ARHGEF10L: variants seen among roughly 807,000 people sequenced by gnomAD.
ARHGEF10L encodes rho guanine nucleotide exchange factor 10-like protein.
Under a neutral mutation model 141.2 loss-of-function variants are expected in ARHGEF10L, and 69 were observed. The ratio of observed to expected loss-of-function variants is 0.49; its 90% CI spans 0.40 to 0.60. The LOEUF (loss-of-function observed/expected upper bound fraction) is 0.60. Among genes scored for constraint, ARHGEF10L ranks in the 20% least tolerant of loss-of-function variants. The pLI is 0.00. For missense variants in ARHGEF10L, 1,482 were observed against 1,734.3 expected (o/e 0.85, Z 2.58); for synonymous variants, 711 against 718.5 (o/e 0.99, Z 0.17).
At chr1:17,690,172 C>T (rs529461685) in intron 27 of ARHGEF10L, among the ~76,000 whole-genome samples, 1 of 152,268 alleles carries the variant, frequency 6.6e-6, no homozygotes, top group Non-Finnish European at 1.5e-5. Context: ...GGTTGTGTCC[C>T]TGTCCTGGGC....
At chr1:17,641,339 C>T (rs2061317831) in intron 21 of ARHGEF10L, among the ~76,000 whole-genome samples, 1 of 152,134 alleles carries the variant, frequency 6.6e-6, no homozygotes, top group African/African-American at 2.4e-5. Context: ...GGTTTTAACA[C>T]ATTTATGGAA....
At chr1:17,526,187 C>T in the ARHGEF10L span, among the ~76,000 whole-genome samples, 2 of 152,240 alleles carry the variant, frequency 1.3e-5, no homozygotes, top group South Asian at 2.1e-4. Context: ...TGCTCCCTCT[C>T]CTTCCTCCCT....
At position 17,558,198 on chromosome 1, in the gene ARHGEF10L, C is replaced by A. The variant is rs1394964119; in HGVS notation, c.-44+18248C>A. Among the ~76,000 whole-genome samples the A allele has an allele frequency of 6.6e-6, 1 of 152,012 alleles. No homozygotes were observed. The highest frequency in any genetic ancestry group is 2.4e-5 in the African/African-American group (1 of 41,382). ...CCATCCATCCATCCACCCATCCATC[C>A]ATCCATCCATCCATCCGCCTGCCCA... is the stretch of plus-strand genomic sequence containing the variant. On this transcript the variant is annotated intron_variant, in intron 1 of 28. Coordinates refer to ENST00000361221, the MANE Select transcript of ARHGEF10L (RefSeq NM_018125.4). This position sits in a 1 kb window ranked among gnomAD's most constrained non-coding sequence, Gnocchi z 4.2.
chr1:17,634,925 G>C lies in ARHGEF10L; in HGVS notation c.1836G>C (p.Glu612Asp), dbSNP rs1313208238. 6.2e-7 allele frequency: 1 copy of C among 1,614,114 alleles called. No homozygotes were observed. Among genetic ancestry groups the C allele is most frequent in the Non-Finnish European group, 8.5e-7 (1 of 1,179,998 alleles). ...NTALPQVQVVEVGQDGGTYDK... is the reference protein window; with the variant it reads ...NTALPQVQVVDVGQDGGTYDK... Reference sequence around the variant, plus strand: ...CGCTGCCCCAGGTGCAGGTGGTGGAGGTGGGCCAGGACGGTGGCACCTATG... The same window carrying C: ...CGCTGCCCCAGGTGCAGGTGGTGGACGTGGGCCAGGACGGTGGCACCTATG... The change falls in exon 18 of 29, where the codon GAG (glutamate) becomes GAC (aspartate). Residue 612 changes from glutamate (E) to aspartate (D), a missense_variant. Transcript: ENST00000361221.
At chr1:17,570,551 G>T (rs544558395) in intron 1 of ARHGEF10L, among the ~76,000 whole-genome samples, 111 of 152,052 alleles carry the variant, frequency 7.3e-4, no homozygotes, top group African/African-American at 2.6e-3. Context: ...GGGTTGTGGG[G>T]GCTCTGACAC....
At chr1:17,529,797 G>T in the ARHGEF10L span, among the ~76,000 whole-genome samples, 1 of 151,754 alleles carries the variant, frequency 6.6e-6, no homozygotes, top group Non-Finnish European at 1.5e-5. Context: ...GGGGCTTATG[G>T]GGCCATGGGG....
At chr1:17,574,621 T>G (rs1483110953) in intron 1 of ARHGEF10L, among the ~76,000 whole-genome samples, 2 of 152,170 alleles carry the variant, frequency 1.3e-5, no homozygotes, top group Non-Finnish European at 2.9e-5. Context: ...TGGGCTGGCT[T>G]CATACCAAGG....
chr1:17,608,237 C>T (rs2081356737), intron 7 of ARHGEF10L, among the ~76,000 whole-genome samples: 1 of 152,344 alleles, frequency 6.6e-6, no homozygotes, highest in Non-Finnish European at 1.5e-5. Context: ...TCCCCCCACC[C>T]CCTTGCTATG....
At chr1:17,666,025 A>C (rs1002033176) in intron 26 of ARHGEF10L, among the ~76,000 whole-genome samples, 8 of 152,338 alleles carry the variant, frequency 5.3e-5, no homozygotes, top group Admixed American at 5.2e-4. Flanking sequence ...AGTGGAAGGT[A>C]GTCAGGCAGG....
intron 26 of ARHGEF10L, among the ~76,000 whole-genome samples, chr1:17,681,666 CG>C (rs1360982737): frequency 5.3e-5 from 8 of 152,220 alleles, no homozygotes; most frequent in African/African-American, 1.7e-4. Context: ...CAGCAGTCCT[CG>C]GGGAGGAAGA....
chr1:17,602,186 A>G lies in ARHGEF10L; in HGVS notation c.317A>G (p.His106Arg), dbSNP rs901089120. The G allele has an allele frequency of 1.3e-6, 2 of 1,580,864 alleles. No homozygotes were observed. Among genetic ancestry groups the G allele is most frequent in the African/African-American group, 1.3e-5 (1 of 74,146 alleles). The change falls in exon 5 of 29, where the codon CAC becomes CGC. Residue 106 changes from histidine (H) to arginine (R), a missense_variant. His to Arg is a conservative substitution (Grantham distance 29). This residue lies in a region of ARHGEF10L where 232 missense variants were observed against 225.9 expected (regional missense o/e 1.03). Coordinates refer to ENST00000361221, the MANE Select transcript of ARHGEF10L (RefSeq NM_018125.4). ...AADAAFSGAR[H>R]SSWKRKSSRR... The stretch of plus-strand genomic sequence containing the variant: ...GACGCAGCCTTCTCCGGGGCCCGGC[A>G]CTCCAGCTGGAAGCGGAAGAGTTCC...
At chr1:17,694,976 C>T in intron 27 of ARHGEF10L, 182 bp from the exon 28 acceptor site, 1 of 848,684 alleles carries the variant, frequency 1.2e-6, no homozygotes, top group Non-Finnish European at 2.0e-6. Context: ...GCTGCAGGAC[C>T]TCGTGGCCAG....
upstream of ARHGEF10L, among the ~76,000 whole-genome samples, chr1:17,537,009 A>G (rs1039395923): frequency 1.3e-5 from 2 of 151,846 alleles, no homozygotes; most frequent in Admixed American, 6.6e-5. Context: ...AGCTGGGACT[A>G]TAGGCATGCA....
rs1291255567 is a variant in ARHGEF10L at position 17,589,720 on chromosome 1, A to C, written c.257+1241A>C. 3.3e-5 allele frequency among the ~76,000 whole-genome samples: 5 copies of C among 152,258 alleles called. No individual in the cohort carries two copies. The East Asian group carries it at 7.8e-4, about 24-fold the overall frequency. ...ATGAATCAGCAGCCATTCGTCCTGC[A>C]CCTGGGCTGGGAAGGGCCGTGATGG... On this transcript the variant is annotated intron_variant, in intron 4 of 28. Coordinates refer to ENST00000361221, the MANE Select transcript of ARHGEF10L (RefSeq NM_018125.4).
chr1:17,673,678 C>G lies in ARHGEF10L; in HGVS notation c.3009+9083C>G, dbSNP rs547702805. On this transcript the variant is annotated intron_variant, in intron 26 of 28. Transcript: ENST00000361221. This position sits in a 1 kb window ranked among gnomAD's most constrained non-coding sequence, Gnocchi z 4.1. ...TCTGCAGGAGGCATTCCCGGCTGCCCCTGCATGCCTTGTCTGAGTGGGCTT... is the reference window on the plus strand; with the variant it reads ...TCTGCAGGAGGCATTCCCGGCTGCCGCTGCATGCCTTGTCTGAGTGGGCTT... Among the ~76,000 whole-genome samples, 1 of 152,244 alleles carries G rather than the reference C, an allele frequency of 6.6e-6. No individual in the cohort carries two copies. The highest frequency in any genetic ancestry group is 2.4e-5 in the African/African-American group (1 of 41,542).
chr1:17,545,332 G>A (rs1284473993), intron 1 of ARHGEF10L, among the ~76,000 whole-genome samples: 4 of 152,156 alleles, frequency 2.6e-5, no homozygotes, highest in Non-Finnish European at 4.4e-5. Context: ...CTTACATTTT[G>A]GTGTGATGGC....
rs547808088 is a variant in ARHGEF10L, at chr1:17,613,043, C to T, written c.610-15C>T. 34 of 1,596,312 alleles carry T rather than the reference C, an allele frequency of 2.1e-5. No homozygotes were observed. In the African/African-American group the frequency reaches 2.3e-4, roughly 11 times the overall value. The stretch of plus-strand genomic sequence containing the variant: ...CTCACCTGCTTTCCTTCTGCCTGGC[C>T]GCTTGGGGCTCCAGCTTTCTCCAGA... On this transcript the variant is annotated splice_polypyrimidine_tract_variant and intron_variant, in intron 7 of 28. Transcript: ENST00000361221.
In ARHGEF10L at chr1:17,623,553, C is replaced by T. The variant is rs916902660; in HGVS notation, c.1200+378C>T. ...GCTGTGAAAGACCACAACTTTGGCC[C>T]GGAGAGGATGTGCCGCAGTGCTGGG... On this transcript the variant is annotated intron_variant, in intron 12 of 28. Coordinates refer to ENST00000361221, the MANE Select transcript of ARHGEF10L (RefSeq NM_018125.4). The surrounding 1 kb of genome is among the most constrained non-coding windows in gnomAD (Gnocchi z 4.7). Among the ~76,000 whole-genome samples the T allele has an allele frequency of 3.9e-5, 6 of 152,148 alleles. No homozygotes were observed. The highest frequency in any genetic ancestry group is 1.9e-4 in the East Asian group (1 of 5,158).
chr1:17,593,355 T>G (rs1249469866), intron 4 of ARHGEF10L, among the ~76,000 whole-genome samples: 1 of 152,204 alleles, frequency 6.6e-6, no homozygotes, highest in African/African-American at 2.4e-5. Context: ...TTCCGTGTCT[T>G]CATCCCCAGC....
Sources: allele counts gnomAD v4.1 joint callset (sites outside exome capture counted in the v4.1 genomes callset), GRCh38; gene constraint gnomAD v4.1.1; regional missense constraint gnomAD v4.1.1; non-coding constraint Gnocchi (gnomAD v3.1); transcripts MANE v1.5; gene names NCBI Gene and HGNC (gene_info 2026-07-23, HGNC 2026-07-21).